The following SUMF1 variants were observed in gnomAD, a reference collection of about 807,000 sequenced individuals.
SUMF1 encodes the protein sulfatase modifying factor 1.
In SUMF1, 48 loss-of-function variants were observed where a neutral mutation model predicts 47.6. The ratio of observed to expected loss-of-function variants is 1.01; its 90% CI spans 0.80 to 1.28. SUMF1 has a LOEUF of 1.28. Among genes scored for constraint, SUMF1 ranks in the 50% most tolerant of loss-of-function variants. The probability of loss-of-function intolerance (pLI) is 0.00; values close to 1 mark genes in which losing one functional copy is unlikely to be tolerated. For missense variants in SUMF1, 571 were observed against 485.4 expected, an observed-to-expected ratio of 1.18 and a Z score of -1.66; for synonymous variants, 230 against 192.1, an observed-to-expected ratio of 1.20 and a Z score of -1.63.
At chr3:4,137,033 A>T (rs988353215) in intron 8 of SUMF1, among the ~76,000 whole-genome samples, 1 of 152,106 alleles carries the variant, frequency 6.6e-6, no homozygotes, top group Non-Finnish European at 1.5e-5. Flanking sequence ...GGGACTGTAA[A>T]CTAGTTCAAC....
intron 1 of SUMF1, among the ~76,000 whole-genome samples, chr3:4,456,088 G>A (rs1703151682): frequency 6.6e-6 from 1 of 152,132 alleles, no homozygotes; most frequent in Admixed American, 6.5e-5. Context: ...CTACAAATGT[G>A]ATATACCATG....
In SUMF1 at chr3:4,274,044, G is replaced by T. The variant is rs73117624; in HGVS notation, c.1014+102286C>A. 3.3e-3 allele frequency among the ~76,000 whole-genome samples: 505 copies of T among 152,050 alleles called. 3 individuals carry two copies. The highest frequency in any genetic ancestry group is 0.011 in the African/African-American group (472 of 41,460). ...TTGGGGAAAACTCAATATAAACAGGGCCCATAAACAGTATGATAGTTACCT... is the reference window on the plus strand; with the variant it reads ...TTGGGGAAAACTCAATATAAACAGGTCCCATAAACAGTATGATAGTTACCT... On this transcript the variant is annotated intron_variant and NMD_transcript_variant, in intron 8 of 12. Coordinates refer to the SUMF1 transcript ENST00000448413.
intron 8 of SUMF1, among the ~76,000 whole-genome samples, chr3:4,375,648 C>T (rs979604020): frequency 1.3e-5 from 2 of 152,246 alleles, no homozygotes; most frequent in South Asian, 4.2e-4. Flanking sequence ...CAATAACAAT[C>T]TGCAAAATGC....
intron 3 of SUMF1, among the ~76,000 whole-genome samples, chr3:4,420,537 C>T (rs1701861187): frequency 6.6e-6 from 1 of 151,882 alleles, no homozygotes; most frequent in African/African-American, 2.4e-5. Flanking sequence ...GCTGGGACTA[C>T]AGGCACGTGC....
At chr3:4,234,057 G>A (rs1316572071) in intron 8 of SUMF1, among the ~76,000 whole-genome samples, 3 of 151,980 alleles carry the variant, frequency 2.0e-5, no homozygotes, top group Non-Finnish European at 4.4e-5. Context: ...CGCCTAAACT[G>A]GGAACTTGGA....
At chr3:4,242,717 T>C (rs1238067456) in intron 8 of SUMF1, among the ~76,000 whole-genome samples, 1 of 152,210 alleles carries the variant, frequency 6.6e-6, no homozygotes, top group Non-Finnish European at 1.5e-5. Flanking sequence ...TCATCAGGGA[T>C]ATTGGCCTAA....
At chr3:4,434,434 G>A (rs982400534) in intron 3 of SUMF1, among the ~76,000 whole-genome samples, 3 of 152,300 alleles carry the variant, frequency 2.0e-5, no homozygotes, top group East Asian at 3.9e-4. Context: ...ATTGTAGCTT[G>A]GCAGAATGCT....
At chr3:4,113,526 C>T (rs1304964997) in intron 8 of SUMF1, among the ~76,000 whole-genome samples, 2 of 149,680 alleles carry the variant, frequency 1.3e-5, no homozygotes, top group African/African-American at 5.0e-5. Flanking sequence ...ACCCTGTCAC[C>T]GCCCCCCACC....
chr3:4,124,544 A>G (rs192653797), intron 8 of SUMF1, among the ~76,000 whole-genome samples: 33 of 152,120 alleles, frequency 2.2e-4, no homozygotes, highest in Admixed American at 4.6e-4. Context: ...TCAGAAATAC[A>G]TTAGCACAGT....
chr3:4,310,646 T>A (rs1337066726), intron 8 of SUMF1, among the ~76,000 whole-genome samples: 3 of 152,200 alleles, frequency 2.0e-5, no homozygotes, highest in Non-Finnish European at 2.9e-5. Flanking sequence ...TGCAGAATTT[T>A]AAAAAATATA....
At chr3:4,296,177 C>T (rs1323429576) in intron 8 of SUMF1, among the ~76,000 whole-genome samples, 1 of 151,542 alleles carries the variant, frequency 6.6e-6, no homozygotes, top group Admixed American at 6.6e-5. Context: ...GCCATTATTA[C>T]TGTATTATTA....
chr3:4,232,625 A>G (rs558508387), intron 8 of SUMF1, among the ~76,000 whole-genome samples: 1 of 152,116 alleles, frequency 6.6e-6, no homozygotes, highest in Non-Finnish European at 1.5e-5. Context: ...AAATGAAAGA[A>G]AGCTATAACC....
Position 4,144,022 on chromosome 3 carries a change from G to C in SUMF1, c.1015-75277C>G, listed in dbSNP as rs998330379. Among the ~76,000 whole-genome samples, 3 of 136,942 alleles carry C rather than the reference G, an allele frequency of 2.2e-5. No homozygotes were observed. The Admixed American group carries it at 2.5e-4, about 11-fold the overall frequency. The allele number at this position is 136,942 out of a possible 152,430, so 89.8% of individuals were successfully genotyped here. ...TTTTTTTTTTTTTAGACAGGGTCTC[G>C]CTCTGTCACCCATGCTGGAGTGTAG... On this transcript the variant is annotated intron_variant and NMD_transcript_variant, in intron 8 of 12. Coordinates refer to the SUMF1 transcript ENST00000448413.
At chr3:4,432,798 G>T (rs1187678510) in intron 3 of SUMF1, among the ~76,000 whole-genome samples, 1 of 152,116 alleles carries the variant, frequency 6.6e-6, no homozygotes. Flanking sequence ...TAAGGATTTA[G>T]ATCTAGTTAT....
intron 8 of SUMF1, among the ~76,000 whole-genome samples, chr3:4,242,900 G>T (rs1326043220): frequency 6.6e-6 from 1 of 152,136 alleles, no homozygotes; most frequent in Non-Finnish European, 1.5e-5. Context: ...AATCCATCTG[G>T]TCCTGGACTT....
At position 4,091,096 on chromosome 3, in the gene SUMF1, CAA is replaced by C. The variant is rs796472100; in HGVS notation, c.1015-22353_1015-22352del. 1.7e-3 allele frequency among the ~76,000 whole-genome samples: 233 copies of C among 137,086 alleles called. 3 individuals carry two copies. The highest frequency in any genetic ancestry group is 6.3e-3 in the African/African-American group (225 of 35,652). 89.9% of individuals were successfully genotyped at this position (137,086 alleles called of 152,430 possible). A position where few individuals can be genotyped will look rare whatever the true frequency, so the allele number is the denominator to read the frequency against. Reference sequence around the variant, plus strand: ...ACTCCATAAAAAACAACAACAACAACAAAAAAAAAAACAAAAAACACACATTT... The same window carrying C: ...ACTCCATAAAAAACAACAACAACAACAAAAAAAAACAAAAAACACACATTT... On this transcript the variant is annotated intron_variant and NMD_transcript_variant, in intron 8 of 12. Coordinates refer to the SUMF1 transcript ENST00000448413.
rs541195709 is a variant in SUMF1 at position 4,404,037 on chromosome 3, G to A, written c.954+6828C>T. The stretch of plus-strand genomic sequence containing the variant: ...CAAATGGTAACTGGAATTAGAATTC[G>A]CTCTTTTCAAGCAAGAAGCATATGT... On this transcript the variant is annotated intron_variant, in intron 7 of 8. Transcript: ENST00000272902. 5.3e-5 allele frequency among the ~76,000 whole-genome samples: 8 copies of A among 152,300 alleles called. No homozygotes were observed. The East Asian group carries it at 9.6e-4, about 18-fold the overall frequency.
At chr3:4,213,076 T>C (rs1695834830) in intron 8 of SUMF1, among the ~76,000 whole-genome samples, 1 of 151,704 alleles carries the variant, frequency 6.6e-6, no homozygotes. Context: ...ACAAAGATAC[T>C]CCTCAAGAAG....
intron 8 of SUMF1, among the ~76,000 whole-genome samples, chr3:4,119,175 A>G (rs1029230537): frequency 3.3e-5 from 5 of 152,114 alleles, no homozygotes; most frequent in South Asian, 4.2e-4. Context: ...GAAAGAGCTA[A>G]AAGTCCGGAC....
Sources: allele counts gnomAD v4.1 joint callset (sites outside exome capture counted in the v4.1 genomes callset), GRCh38; gene constraint gnomAD v4.1.1; transcripts MANE v1.5; gene names NCBI Gene and HGNC (gene_info 2026-07-23, HGNC 2026-07-21).